Variants in VIPR2 observed in about 807,000 individuals in gnomAD.
VIPR2 encodes the protein vasoactive intestinal polypeptide receptor 2.
Under a neutral mutation model 58.0 loss-of-function variants are expected in VIPR2, and 48 were observed. The observed-to-expected ratio is 0.83, with a 90% confidence interval of 0.66 to 1.05. VIPR2 has a LOEUF of 1.05. Among genes scored for constraint, VIPR2 ranks in the 50% least tolerant of loss-of-function variants. The pLI, the probability that VIPR2 is intolerant of heterozygous loss-of-function variation, is 0.00. For synonymous variants in VIPR2, 243 were observed against 235.2 expected, an observed-to-expected ratio of 1.03 and a Z score of -0.30; for missense variants, 534 against 558.0, an observed-to-expected ratio of 0.96 and a Z score of 0.43.
intron 2 of VIPR2, chr7:159,117,396 C>T (rs754886353): frequency 4.2e-6 from 3 of 717,374 alleles, no homozygotes; most frequent in Non-Finnish European, 7.8e-6. Context: ...GGATGAATCC[C>T]TTTGTATGGC....
At chr7:159,053,111 CT>C (rs900026949) in intron 5 of VIPR2, among the ~76,000 whole-genome samples, 4 of 149,374 alleles carry the variant, frequency 2.7e-5, no homozygotes, top group South Asian at 4.3e-4. Flanking sequence ...AGAGGTTTGT[CT>C]TTTTTTTTTC....
intron 2 of VIPR2, among the ~76,000 whole-genome samples, chr7:159,118,305 C>A (rs1210117487): frequency 6.6e-6 from 1 of 152,226 alleles, no homozygotes; most frequent in Non-Finnish European, 1.5e-5. Flanking sequence ...AGGAAAAGAC[C>A]TGCAGGAGGA....
intron 4 of VIPR2, among the ~76,000 whole-genome samples, chr7:159,100,009 GC>G (rs1325653343): frequency 1.3e-5 from 2 of 152,204 alleles, no homozygotes; most frequent in East Asian, 3.9e-4. Flanking sequence ...CTGGAGCTGG[GC>G]CCCCAACACT....
At chr7:159,071,357 C>T (rs1486292892) in intron 4 of VIPR2, among the ~76,000 whole-genome samples, 1 of 152,240 alleles carries the variant, frequency 6.6e-6, no homozygotes, top group African/African-American at 2.4e-5. Flanking sequence ...TTCCTTCCTC[C>T]TGGGTCCCCA....
Position 159,067,951 on chromosome 7 carries a change from C to T in VIPR2, c.358-9373G>A, listed in dbSNP as rs60492734. 6.8e-3 allele frequency among the ~76,000 whole-genome samples: 1,032 copies of T among 152,336 alleles called. 7 individuals carry two copies. Among genetic ancestry groups the T allele is most frequent in the African/African-American group, 0.024 (985 of 41,576 alleles). On this transcript the variant is annotated intron_variant, in intron 4 of 12. Transcript: ENST00000262178. ...GTCAGGGCAGGAAGGGCAGGTGCTGCGGGGGCCGCTAGCCCCTCTCTGCAG... is the reference window on the plus strand; with the variant it reads ...GTCAGGGCAGGAAGGGCAGGTGCTGTGGGGGCCGCTAGCCCCTCTCTGCAG...
intron 2 of VIPR2, among the ~76,000 whole-genome samples, chr7:159,134,086 T>A (rs1298992531): frequency 6.6e-6 from 1 of 152,232 alleles, no homozygotes; most frequent in Non-Finnish European, 1.5e-5. Flanking sequence ...CATATCTAGA[T>A]CATGCCCAAA....
chr7:159,115,961 C>T (rs544842876), intron 2 of VIPR2, among the ~76,000 whole-genome samples: 3 of 152,136 alleles, frequency 2.0e-5, no homozygotes, highest in East Asian at 3.9e-4. Flanking sequence ...TGTGAGGCAT[C>T]GATTTGTTTG....
chr7:159,129,697 C>T (rs1307746371), intron 2 of VIPR2, among the ~76,000 whole-genome samples: 11 of 133,284 alleles, frequency 8.3e-5, no homozygotes, highest in African/African-American at 1.9e-4. Flanking sequence ...AGGTGACCAG[C>T]TTCACACTCT....
intron 2 of VIPR2, chr7:159,116,980 C>T (rs2129496674): frequency 3.9e-6 from 1 of 257,918 alleles, no homozygotes; most frequent in African/African-American, 2.2e-5. Context: ...ACATAAACAT[C>T]AATTAAATTT....
intron 4 of VIPR2, among the ~76,000 whole-genome samples, chr7:159,062,270 G>A (rs377228990): frequency 6.6e-6 from 1 of 152,200 alleles, no homozygotes; most frequent in Non-Finnish European, 1.5e-5. Context: ...CGCCAGCCTC[G>A]GGCTCGGGTC....
rs764002099 is a variant in VIPR2, at chr7:159,144,789, G to A, written c.-18C>T. 1.4e-5 allele frequency: 18 copies of A among 1,244,686 alleles called. No individual in the cohort carries two copies. The South Asian group carries it at 1.5e-4, about 10-fold the overall frequency. 77.1% of individuals were successfully genotyped at this position (1,244,686 alleles called of 1,614,324 possible). ...GTCCGCATCCCGAGCTCAGCGTGCC[G>A]GGGGCCGCCCAGCGCCCGCCGCCTC... On this transcript the variant is annotated 5_prime_UTR_variant, in exon 1 of 13. Coordinates refer to ENST00000262178, the MANE Select transcript of VIPR2 (RefSeq NM_003382.5).
rs71547598 is a variant in VIPR2, at chr7:159,128,150, G to A, written c.151+14296C>T. Among the ~76,000 whole-genome samples, 783 of 152,218 alleles carry A rather than the reference G, an allele frequency of 5.1e-3. 6 individuals are homozygous for A. The highest frequency in any genetic ancestry group is 0.014 in the Middle Eastern group (4 of 294). ...TGCCTCTGCCCCTGAGGGATGTGAC[G>A]GGGGTGGGGGGACACCACCCCAGCT... On this transcript the variant is annotated intron_variant, in intron 2 of 12. Coordinates refer to ENST00000262178, the MANE Select transcript of VIPR2 (RefSeq NM_003382.5). This position sits in a 1 kb window ranked among gnomAD's most constrained non-coding sequence, Gnocchi z 4.1.
In VIPR2 at chr7:159,030,739, G is replaced by C; in HGVS notation, c.1194C>G (p.Ser398=). The change falls in exon 13 of 13, where the codon TCC becomes TCG. Residue 398 remains serine (S), a synonymous_variant. Transcript: ENST00000262178. ...CGCAGACCCTGTAATCCCGGCTCGC[G>C]GACGGGGTCGGGCACCGGCTTCGCC... is the stretch of plus-strand genomic sequence containing the variant. ...RKWRSRCPTP[S]ASRDYRVCGS... The C allele has an allele frequency of 1.9e-6, 3 of 1,588,154 alleles. No individual in the cohort carries two copies. The African/African-American group carries it at 4.0e-5, about 21-fold the overall frequency.
intron 4 of VIPR2, among the ~76,000 whole-genome samples, chr7:159,094,331 A>G (rs1857693387): frequency 6.6e-6 from 1 of 152,222 alleles, no homozygotes; most frequent in Admixed American, 6.5e-5. Context: ...CACAGGCCAG[A>G]GAGTGCCCAA....
At chr7:159,051,598 T>G (rs1376831160) in intron 5 of VIPR2, among the ~76,000 whole-genome samples, 2 of 152,136 alleles carry the variant, frequency 1.3e-5, no homozygotes, top group Admixed American at 1.3e-4. Flanking sequence ...AAATAAAGAT[T>G]GTAGACAAAA....
intron 4 of VIPR2, among the ~76,000 whole-genome samples, chr7:159,068,608 A>G (rs73730130): frequency 0.031 from 4,652 of 152,188 alleles, 117 homozygotes; most frequent in African/African-American, 0.06. Context: ...CGGGGCCAGG[A>G]CAGGCCTGAG....
At chr7:159,142,787 G>C (rs1797526208) in intron 1 of VIPR2, among the ~76,000 whole-genome samples, 1 of 152,058 alleles carries the variant, frequency 6.6e-6, no homozygotes, top group South Asian at 2.1e-4. Flanking sequence ...GCAGGAAAAT[G>C]AACTTACTAA....
intron 2 of VIPR2, among the ~76,000 whole-genome samples, chr7:159,121,349 G>GA (rs1257352904): frequency 2.0e-5 from 3 of 152,144 alleles, no homozygotes; most frequent in Non-Finnish European, 2.9e-5. Flanking sequence ...GGGGATGGGG[G>GA]AGAGACATGA....
intron 4 of VIPR2, among the ~76,000 whole-genome samples, chr7:159,071,007 C>T (rs956293716): frequency 5.3e-5 from 8 of 152,184 alleles, no homozygotes; most frequent in African/African-American, 1.9e-4. Flanking sequence ...CAGGTCATTA[C>T]CGGCAAGAAA....
Sources: gnomAD v4.1 joint callset for allele counts (sites outside exome capture counted in the v4.1 genomes callset) on GRCh38, gnomAD v4.1.1 for gene constraint, Gnocchi (gnomAD v3.1) non-coding constraint, MANE v1.5 for transcripts, NCBI Gene and HGNC (gene_info 2026-07-23, HGNC 2026-07-21) for gene names.